ACACB: variants seen among roughly 807,000 people sequenced by gnomAD.
The protein encoded by ACACB is acetyl-CoA carboxylase beta.
A neutral mutation model predicts 278.8 loss-of-function variants in ACACB; 209 were observed. The observed-to-expected ratio is 0.75, with a 90% CI of 0.67 to 0.84. The LOEUF (loss-of-function observed/expected upper bound fraction) is 0.84. Ranked by LOEUF, ACACB falls within the 40% of genes least tolerant of loss-of-function variation. The pLI is 0.00. For synonymous variants in ACACB, 1,174 were observed against 1,285.6 expected (o/e 0.91, Z 1.86); for missense variants, 2,850 against 3,269.0 (o/e 0.87, Z 3.13).
intron 2 of ACACB, among the ~76,000 whole-genome samples, chr12:109,156,976 G>A (rs7957249): frequency 6.6e-6 from 1 of 151,422 alleles, no homozygotes; most frequent in African/African-American, 2.4e-5. Flanking sequence ...TAAGTGGAGA[G>A]TGTTGTACCC....
chr12:109,159,124 G>C (rs564357516), intron 2 of ACACB, among the ~76,000 whole-genome samples: 5 of 152,216 alleles, frequency 3.3e-5, no homozygotes, highest in East Asian at 1.9e-4. Context: ...GTCATCCCAG[G>C]GGGTACTGAT....
At position 109,256,188 on chromosome 12, in the gene ACACB, A is replaced by G; in HGVS notation, c.6215A>G (p.Lys2072Arg). 12 of 1,614,016 alleles carry G rather than the reference A, an allele frequency of 7.4e-6. No homozygotes were observed. The highest frequency in any genetic ancestry group is 1.0e-5 in the Non-Finnish European group (12 of 1,179,944). ...GGATTCTTTGACCACGGCAGTTTCA[A>G]GGAAATCATGGCACCCTGGGCGCAG... ...QSGFFDHGSF[K>R]EIMAPWAQTV... is the part of the protein sequence containing the mutation. The change falls in exon 45 of 53, where the codon AAG becomes AGG. Residue 2072 changes from lysine to arginine, a missense_variant. Around this residue, in one of 3 missense-constraint regions of ACACB, gnomAD observed 579 missense variants for 684.6 expected, o/e 0.85. Coordinates refer to ENST00000338432, the MANE Select transcript of ACACB (RefSeq NM_001093.4).
intron 1 of ACACB, among the ~76,000 whole-genome samples, chr12:109,128,290 T>C (rs1014660925): frequency 6.6e-6 from 1 of 151,912 alleles, no homozygotes; most frequent in African/African-American, 2.4e-5. Flanking sequence ...CTGGGATTAC[T>C]GCTGCCTGCC....
intron 12 of ACACB, 136 bp from the exon 13 acceptor site, chr12:109,187,863 G>A (rs2136260849): frequency 1.2e-6 from 1 of 853,414 alleles, no homozygotes; most frequent in Non-Finnish European, 1.7e-6. Flanking sequence ...TGTAACAAGC[G>A]ATATCAGTGT....
At chr12:109,160,162 G>A (rs1486923987) in intron 2 of ACACB, among the ~76,000 whole-genome samples, 2 of 151,314 alleles carry the variant, frequency 1.3e-5, no homozygotes, top group East Asian at 3.9e-4. Context: ...TATTTGAGAG[G>A]AATATAAGAG....
intron 1 of ACACB, among the ~76,000 whole-genome samples, chr12:109,119,686 C>T (rs145987859): frequency 0.015 from 2,308 of 152,062 alleles, 23 homozygotes; most frequent in Non-Finnish European, 0.02. Flanking sequence ...CACTTGAGGT[C>T]AGGAGTTCAA....
intron 2 of ACACB, among the ~76,000 whole-genome samples, chr12:109,157,272 G>GTTGTTATTATTATTA (rs148495637): frequency 0.011 from 1,526 of 143,156 alleles, 37 homozygotes; most frequent in African/African-American, 0.038. Flanking sequence ...TTCTAGAGTT[G>GTTGTTATTATTATTA]TTATTATTAT....
At chr12:109,162,026 G>A (rs981892601) in intron 2 of ACACB, among the ~76,000 whole-genome samples, 4 of 151,084 alleles carry the variant, frequency 2.6e-5, no homozygotes, top group African/African-American at 7.3e-5. Context: ...GCCCAGGCTG[G>A]AGTGCAGTGG....
chr12:109,245,514 G>A (rs1220557622), intron 37 of ACACB, 112 bp from the exon 38 acceptor site: 8 of 1,126,074 alleles, frequency 7.1e-6, no homozygotes, highest in Non-Finnish European at 9.8e-6. Flanking sequence ...CAAAAAGAGA[G>A]AGTGAACTAC....
chr12:109,152,833 G>A (rs544201094), intron 2 of ACACB, among the ~76,000 whole-genome samples: 1 of 151,904 alleles, frequency 6.6e-6, no homozygotes, highest in South Asian at 2.1e-4. Context: ...TAGTAGAGAT[G>A]GGGTTTCACT....
intron 2 of ACACB, among the ~76,000 whole-genome samples, chr12:109,161,774 A>G (rs1389898316): frequency 6.6e-6 from 1 of 151,532 alleles, no homozygotes; most frequent in Non-Finnish European, 1.5e-5. Flanking sequence ...GTGTATACCT[A>G]CATGTATACA....
intron 41 of ACACB, among the ~76,000 whole-genome samples, chr12:109,251,161 C>A (rs537586706): frequency 6.6e-6 from 1 of 152,328 alleles, no homozygotes; most frequent in South Asian, 2.1e-4. Flanking sequence ...ACCCACCCAG[C>A]TCCTGAGATC....
intron 47 of ACACB, among the ~76,000 whole-genome samples, chr12:109,259,852 G>T (rs2047332978): frequency 1.3e-5 from 2 of 152,300 alleles, no homozygotes; most frequent in South Asian, 4.1e-4. Flanking sequence ...GATCACTGGG[G>T]TGTTGAGGAC....
chr12:109,258,519 C>T (rs528075518), intron 46 of ACACB, among the ~76,000 whole-genome samples, 155 bp downstream of exon 46: 5 of 152,180 alleles, frequency 3.3e-5, no homozygotes, highest in African/African-American at 1.2e-4. Flanking sequence ...GTGCCTGTTT[C>T]TCTGACACTT....
intron 48 of ACACB, 33 bp downstream of exon 48, chr12:109,260,690 T>C (rs1255123470): frequency 1.3e-6 from 2 of 1,504,414 alleles, no homozygotes; most frequent in Non-Finnish European, 8.9e-7. Context: ...GGCTTAGCCT[T>C]TTCTTGTTCT....
chr12:109,167,608 A>T lies in ACACB; in HGVS notation c.787-288A>T, dbSNP rs527822268. On this transcript the variant is annotated intron_variant, in intron 3 of 52. Transcript: ENST00000338432. ...AGCAAGACTCTGTCTCAAAAAAAAA[A>T]ATATATGTATGTGTATATATATATA... Among the ~76,000 whole-genome samples, 126 of 93,056 alleles carry T rather than the reference A, an allele frequency of 1.4e-3. 3 individuals carry two copies. In the South Asian group the frequency reaches 0.018, roughly 13 times the overall value. The allele number at this position is 93,056 out of a possible 152,430, so 61.0% of individuals were successfully genotyped here.
intron 22 of ACACB, among the ~76,000 whole-genome samples, chr12:109,216,199 A>G (rs1275257599): frequency 6.7e-6 from 1 of 149,452 alleles, no homozygotes; most frequent in African/African-American, 2.5e-5. Flanking sequence ...TGTCCTTTCT[A>G]AAATCCTTTC....
At chr12:109,122,957 G>A (rs957135902) in intron 1 of ACACB, among the ~76,000 whole-genome samples, 4 of 151,910 alleles carry the variant, frequency 2.6e-5, no homozygotes, top group East Asian at 3.9e-4. Context: ...CAAAGTGGGC[G>A]GATCACGAGG....
At chr12:109,265,633 C>T (rs1235547635) in intron 52 of ACACB, 108 bp downstream of exon 52, 40 of 1,399,858 alleles carry the variant, frequency 2.9e-5, no homozygotes, top group Non-Finnish European at 1.5e-5. Flanking sequence ...CCACCCTGTG[C>T]AGTCTGGGGT....
Sources: gnomAD v4.1 joint callset for allele counts (sites outside exome capture counted in the v4.1 genomes callset) on GRCh38, gnomAD v4.1.1 for gene constraint, gnomAD v4.1.1 regional missense constraint, MANE v1.5 for transcripts, NCBI Gene and HGNC (gene_info 2026-07-23, HGNC 2026-07-21) for gene names.